Variants in MKLN1 observed in about 807,000 individuals in gnomAD.
MKLN1 encodes muskelin 1, also known as muskelin.
MKLN1 carries 18 observed loss-of-function variants against 99.0 expected under a neutral mutation model. The ratio of observed to expected loss-of-function variants is 0.18; its 90% CI spans 0.13 to 0.27. MKLN1 has a LOEUF of 0.27. Among genes scored for constraint, MKLN1 ranks in the 10% least tolerant of loss-of-function variants. MKLN1 has a pLI of 1.00. For missense variants in MKLN1, 621 were observed against 875.9 expected, an observed-to-expected ratio of 0.71 and a Z score of 3.67; for synonymous variants, 288 against 293.2, an observed-to-expected ratio of 0.98 and a Z score of 0.18.
intron 16 of MKLN1, among the ~76,000 whole-genome samples, chr7:131,476,584 A>G (rs1796974399): frequency 6.6e-6 from 1 of 152,240 alleles, no homozygotes; most frequent in Admixed American, 6.5e-5. Context: ...TGTTGTAAGA[A>G]ATTAAAGAAG....
chr7:131,475,655 A>C (rs1040303359), intron 16 of MKLN1, among the ~76,000 whole-genome samples: 1 of 152,132 alleles, frequency 6.6e-6, no homozygotes, highest in South Asian at 2.1e-4. Context: ...CTACAAAAAC[A>C]TGCAAAAAAT....
At chr7:131,144,814 C>T (rs1441498080) in intron 2 of MKLN1, among the ~76,000 whole-genome samples, 3 of 151,752 alleles carry the variant, frequency 2.0e-5, no homozygotes, top group African/African-American at 7.3e-5. Flanking sequence ...CCCGTGTCTA[C>T]TAAAAATACA....
chr7:131,385,779 T>C (rs975757235), intron 2 of MKLN1, among the ~76,000 whole-genome samples: 6 of 152,144 alleles, frequency 3.9e-5, no homozygotes, highest in South Asian at 4.1e-4. Context: ...CAGACTCTTA[T>C]CAGATATATG....
intron 1 of MKLN1, among the ~76,000 whole-genome samples, chr7:131,118,605 C>G (rs1415274197): frequency 1.3e-5 from 2 of 151,812 alleles, no homozygotes; most frequent in Non-Finnish European, 2.9e-5. Flanking sequence ...CTGAGACTGG[C>G]TAATAAGAAA....
At chr7:131,417,908 T>C (rs1795069920) in intron 8 of MKLN1, among the ~76,000 whole-genome samples, 1 of 152,184 alleles carries the variant, frequency 6.6e-6, no homozygotes, top group Non-Finnish European at 1.5e-5. Flanking sequence ...TACTTAATTA[T>C]AAGTTGGAGA....
chr7:131,433,964 A>G (rs1440639864), intron 9 of MKLN1, among the ~76,000 whole-genome samples: 2 of 150,154 alleles, frequency 1.3e-5, no homozygotes, highest in Non-Finnish European at 3.0e-5. Flanking sequence ...GCTCACTGCA[A>G]CCCCCTTCTC....
At chr7:131,259,193 C>T (rs1380188291) in intron 3 of MKLN1, among the ~76,000 whole-genome samples, 1 of 152,096 alleles carries the variant, frequency 6.6e-6, no homozygotes. Context: ...CCTCTTCTTA[C>T]CATTAGAAAG....
chr7:131,290,291 A>C (rs1798198236), intron 3 of MKLN1, among the ~76,000 whole-genome samples: 1 of 152,324 alleles, frequency 6.6e-6, no homozygotes, highest in African/African-American at 2.4e-5. Flanking sequence ...GGGCAACAAG[A>C]GTGAAATTCC....
Position 131,353,793 on chromosome 7 carries a change from G to A in MKLN1, c.99-21631G>A, listed in dbSNP as rs1436518398. 2.7e-5 allele frequency among the ~76,000 whole-genome samples: 4 copies of A among 146,596 alleles called. No individual in the cohort carries two copies. The East Asian group carries it at 8.0e-4, about 29-fold the overall frequency. On this transcript the variant is annotated intron_variant, in intron 1 of 17. Transcript: ENST00000352689. ...ATGATTCATTAATTTTTTTAATGAA[G>A]TATGAGTTTTAGGTCAATTTTTTTT...
At chr7:131,189,535 CAAA>C (rs58453306) in intron 2 of MKLN1, among the ~76,000 whole-genome samples, 5 of 129,814 alleles carry the variant, frequency 3.9e-5, no homozygotes, top group East Asian at 2.9e-4. Context: ...AAAAAACAAA[CAAA>C]AAAAAAAACA....
intron 16 of MKLN1, among the ~76,000 whole-genome samples, chr7:131,476,468 A>G (rs1403452014): frequency 1.3e-5 from 2 of 151,354 alleles, no homozygotes; most frequent in East Asian, 1.9e-4. Flanking sequence ...AGGTCAATAG[A>G]AAAAAAAAGC....
chr7:131,419,755 G>A (rs559645517), intron 8 of MKLN1, among the ~76,000 whole-genome samples: 1 of 152,232 alleles, frequency 6.6e-6, no homozygotes, highest in East Asian at 1.9e-4. Context: ...GTGAGAAAGA[G>A]AGTGGGAAGA....
chr7:131,456,423 C>A (rs959085245), intron 12 of MKLN1, among the ~76,000 whole-genome samples: 2 of 152,082 alleles, frequency 1.3e-5, no homozygotes, highest in East Asian at 3.9e-4. Flanking sequence ...ATTCCAGAAA[C>A]TCCTTAAATA....
At chr7:131,375,387 A>G (rs1322906273) in intron 1 of MKLN1, 37 bp from the exon 2 acceptor site, 1 of 1,367,944 alleles carries the variant, frequency 7.3e-7, no homozygotes, top group Non-Finnish European at 1.0e-6. Context: ...TTGCCTATTC[A>G]TGTTCTCTTA....
chr7:131,180,469 C>T (rs951420845), intron 2 of MKLN1, among the ~76,000 whole-genome samples: 7 of 152,106 alleles, frequency 4.6e-5, no homozygotes, highest in Non-Finnish European at 7.4e-5. Context: ...GAGGCCGAGG[C>T]GGGCGGATCA....
At chr7:131,279,587 C>T (rs1798022383) in intron 3 of MKLN1, among the ~76,000 whole-genome samples, 1 of 152,124 alleles carries the variant, frequency 6.6e-6, no homozygotes, top group South Asian at 2.1e-4. Flanking sequence ...TCAGGAGGAT[C>T]ACTTGAGGCC....
chr7:131,467,159 C>G (rs148437253), intron 15 of MKLN1, among the ~76,000 whole-genome samples: 60 of 152,298 alleles, frequency 3.9e-4, no homozygotes, highest in Middle Eastern at 3.4e-3. Flanking sequence ...CAAGACCAGA[C>G]TGTCAATTAC....
intron 1 of MKLN1, among the ~76,000 whole-genome samples, chr7:131,365,582 C>T (rs570590086): frequency 6.6e-6 from 1 of 152,104 alleles, no homozygotes; most frequent in African/African-American, 2.4e-5. Flanking sequence ...TTGGGTTTTA[C>T]ATTTAAGTCT....
chr7:131,231,325 C>G (rs1045384219), intron 3 of MKLN1, among the ~76,000 whole-genome samples: 1 of 152,172 alleles, frequency 6.6e-6, no homozygotes, highest in Non-Finnish European at 1.5e-5. Flanking sequence ...GGACAAAGCA[C>G]TTCAGGTACA....
Sources: gnomAD v4.1 joint callset for allele counts (sites outside exome capture counted in the v4.1 genomes callset) on GRCh38, gnomAD v4.1.1 for gene constraint, MANE v1.5 for transcripts, NCBI Gene and HGNC (gene_info 2026-07-23, HGNC 2026-07-21) for gene names.